PEAR1: variants seen among roughly 807,000 people sequenced by gnomAD.
PEAR1 encodes the protein multiple EGF-like domains protein 12.
In PEAR1, 113 loss-of-function variants were observed where a neutral mutation model predicts 131.2. That is an observed-to-expected ratio of 0.86 (90% confidence interval 0.74 to 1.01). PEAR1 has a LOEUF of 1.01. PEAR1 is among the 50% of genes least tolerant of loss of function. The pLI, the probability that PEAR1 is intolerant of heterozygous loss-of-function variation, is 0.00. For missense variants in PEAR1, 1,408 were observed against 1,391.1 expected (o/e 1.01, Z -0.19); for synonymous variants, 565 against 523.3 (o/e 1.08, Z -1.09).
At chr1:156,911,118 C>T (rs574533765) in intron 15 of PEAR1, among the ~76,000 whole-genome samples, 11 of 90,940 alleles carry the variant, frequency 1.2e-4, no homozygotes, top group South Asian at 7.8e-4. Flanking sequence ...TTTCTTTCTT[C>T]TTTCTTTCTT....
At chr1:156,900,122 G>A (rs544943431) in intron 1 of PEAR1, among the ~76,000 whole-genome samples, 215 of 152,296 alleles carry the variant, frequency 1.4e-3, no homozygotes, top group African/African-American at 4.9e-3. Context: ...AGGGTGATCT[G>A]GTCTTCTGTG....
intron 17 of PEAR1, 40 bp from the exon 18 acceptor site, chr1:156,912,730 G>A: frequency 6.2e-7 from 1 of 1,613,332 alleles, no homozygotes. Context: ...ATGCAGCAGA[G>A]CCAAGATGCC....
chr1:156,896,924 C>T (rs1371957740), intron 1 of PEAR1, among the ~76,000 whole-genome samples: 1 of 152,204 alleles, frequency 6.6e-6, no homozygotes, highest in Non-Finnish European at 1.5e-5. Flanking sequence ...TTCTGCATTC[C>T]ACTTTCCATC....
At chr1:156,907,854 T>C (rs1231776611) in intron 7 of PEAR1, 61 bp from the exon 8 acceptor site, 1 of 1,588,006 alleles carries the variant, frequency 6.3e-7, no homozygotes, top group African/African-American at 1.3e-5. Context: ...TGTCAAGGGG[T>C]CCTGTGGCCT....
intron 15 of PEAR1, 48 bp downstream of exon 15, chr1:156,910,791 G>C: frequency 6.2e-7 from 1 of 1,607,742 alleles, no homozygotes; most frequent in Non-Finnish European, 8.5e-7. Context: ...CTGAGAGGGG[G>C]TGCTGAGGAC....
chr1:156,909,550 A>T (rs896570432), intron 11 of PEAR1, among the ~76,000 whole-genome samples: 1 of 152,316 alleles, frequency 6.6e-6, no homozygotes, highest in Middle Eastern at 3.4e-3. Flanking sequence ...CAGACCCAGA[A>T]TGGGGTGGTA....
chr1:156,898,515 G>A (rs1421632051), intron 1 of PEAR1, among the ~76,000 whole-genome samples: 1 of 152,234 alleles, frequency 6.6e-6, no homozygotes, highest in African/African-American at 2.4e-5. Context: ...GTACATGGGT[G>A]TACTGGGTAG....
chr1:156,910,313 C>T lies in PEAR1; in HGVS notation c.1758C>T (p.Gly586=). The change falls in exon 14 of 23, where the codon GGC becomes GGT. Residue 586 remains glycine, a synonymous_variant. Transcript: ENST00000292357. The part of the protein sequence containing the change: ...CSNTCTCKNG[G]TCLPENGNCV... ...ACACCTGCACCTGCAAGAATGGGGG[C>T]ACCTGTCTCCCTGAGAATGGCAACT... 1 of 1,613,398 alleles carries T rather than the reference C, an allele frequency of 6.2e-7. No individual in the cohort carries two copies. Among genetic ancestry groups the T allele is most frequent in the Non-Finnish European group, 8.5e-7 (1 of 1,179,704 alleles).
At chr1:156,911,131 C>G (rs942249453) in intron 15 of PEAR1, among the ~76,000 whole-genome samples, 3 of 99,142 alleles carry the variant, frequency 3.0e-5, no homozygotes, top group African/African-American at 4.4e-5. Context: ...TCTTTCTTTC[C>G]TTTCTTTCTT....
chr1:156,913,057 C>T (rs1651425952), intron 18 of PEAR1, 75 bp downstream of exon 18: 2 of 1,584,910 alleles, frequency 1.3e-6, no homozygotes, highest in East Asian at 4.5e-5. Context: ...GGGCATGACC[C>T]AAAGGGAAGA....
chr1:156,895,363 C>T (rs1649064649), intron 1 of PEAR1, among the ~76,000 whole-genome samples: 1 of 152,244 alleles, frequency 6.6e-6, no homozygotes, highest in African/African-American at 2.4e-5. Context: ...AGGCTGAGGC[C>T]AGGTGGAGCC....
chr1:156,911,097 T>TCTTTCTTTCCTTTCTTTCTTTCCTTC (rs1553269283), intron 15 of PEAR1, among the ~76,000 whole-genome samples: 1 of 101,744 alleles, frequency 9.8e-6, no homozygotes, highest in African/African-American at 4.9e-5. Flanking sequence ...TTCTTTCCTT[T>TCTTTCTTTCCTTTCTTTCTTTCCTTC]CTTTCTTTCT....
intron 1 of PEAR1, among the ~76,000 whole-genome samples, chr1:156,903,144 A>C (rs1000571263): frequency 3.3e-5 from 5 of 152,122 alleles, no homozygotes; most frequent in African/African-American, 1.2e-4. Flanking sequence ...GTTGCTAGGA[A>C]GAGATGCATA....
Position 156,911,115 on chromosome 1 carries a change from C to CTT in PEAR1, c.1951+373_1951+374dup, listed in dbSNP as rs1553269305. Among the ~76,000 whole-genome samples, 20 of 87,920 alleles carry CTT rather than the reference C, an allele frequency of 2.3e-4. 2 individuals are homozygous for CTT. The highest frequency in any genetic ancestry group is 8.5e-4 in the South Asian group (2 of 2,360). The allele number at this position is 87,920 out of a possible 152,430, so 57.7% of individuals were successfully genotyped here. On this transcript the variant is annotated intron_variant, in intron 15 of 22. Coordinates refer to ENST00000292357, the MANE Select transcript of PEAR1 (RefSeq NM_001080471.3). ...TTTCCTTTCTTTCTTTCTTTTCTTT[C>CTT]TTCTTTCTTTCTTTCCTTTCTTTCT...
rs4661071 is a variant in PEAR1 at position 156,893,740 on chromosome 1, T to C, written c.-107T>C. 148,753 of 152,204 alleles carry C rather than the reference T, an allele frequency of 0.98. 72,810 individuals are homozygous for C. The highest frequency in any genetic ancestry group is 1 in the East Asian group (5,110 of 5,110). 9.4% of individuals were successfully genotyped at this position (152,204 alleles called of 1,614,324 possible). ...CCCGCAGTCAGGCTGGGGCTCGAAG[T>C]GGGGACCCTCGCCCCGTCCTCGGCT... On this transcript the variant is annotated 5_prime_UTR_variant, in exon 1 of 23. Coordinates refer to ENST00000292357, the MANE Select transcript of PEAR1 (RefSeq NM_001080471.3).
In PEAR1 at chr1:156,914,030, C is replaced by T. The variant is rs758881461; in HGVS notation, c.2892C>T (p.Ser964=). 1 of 1,610,388 alleles carries T rather than the reference C, an allele frequency of 6.2e-7. No individual in the cohort carries two copies. Among genetic ancestry groups the T allele is most frequent in the South Asian group, 1.1e-5 (1 of 90,498 alleles). The part of the protein sequence containing the change: ...PPRQPPQFWD[S]QRRRQPQPQR... ...GGCAGCCTCCTCAGTTCTGGGACAGCCAGAGGCGGCGGCAACCCCAGCCAC... is the reference window on the plus strand; with the variant it reads ...GGCAGCCTCCTCAGTTCTGGGACAGTCAGAGGCGGCGGCAACCCCAGCCAC... Residue 964 remains serine, a synonymous_variant, in exon 22 of 23, where the codon AGC becomes AGT. Coordinates refer to ENST00000292357, the MANE Select transcript of PEAR1 (RefSeq NM_001080471.3).
chr1:156,906,167 G>A, intron 4 of PEAR1, 109 bp from the exon 5 acceptor site: 1 of 954,252 alleles, frequency 1.0e-6, no homozygotes, highest in Non-Finnish European at 1.6e-6. Context: ...TTGGGGCTTG[G>A]AGAACTTCAG....
At chr1:156,901,319 A>C (rs1649658685) in intron 1 of PEAR1, among the ~76,000 whole-genome samples, 1 of 152,210 alleles carries the variant, frequency 6.6e-6, no homozygotes, top group Non-Finnish European at 1.5e-5. Context: ...TCAGTCCTTC[A>C]GTCCATCTCA....
chr1:156,914,974 C>T lies in PEAR1; in HGVS notation c.*176C>T, dbSNP rs777551958. On this transcript the variant is annotated 3_prime_UTR_variant, in exon 23 of 23. Coordinates refer to ENST00000292357, the MANE Select transcript of PEAR1 (RefSeq NM_001080471.3). ...TGTTCCTGGGTTCTACCATGGGAGA[C>T]GCTGATCAGCAGGATGCCTGGCTCC... 1.8e-4 allele frequency: 124 copies of T among 679,832 alleles called. No homozygotes were observed. Among genetic ancestry groups the T allele is most frequent in the Non-Finnish European group, 2.6e-4 (115 of 442,754 alleles). 42.1% of individuals were successfully genotyped at this position (679,832 alleles called of 1,614,324 possible).
Sources: gnomAD v4.1 joint callset for allele counts (sites outside exome capture counted in the v4.1 genomes callset) on GRCh38, gnomAD v4.1.1 for gene constraint, MANE v1.5 for transcripts, NCBI Gene and HGNC (gene_info 2026-07-23, HGNC 2026-07-21) for gene names.